PRICKLE1: variants seen among roughly 807,000 people sequenced by gnomAD.
PRICKLE1 encodes the protein prickle planar cell polarity protein 1, also known as prickle-like protein 1.
PRICKLE1 carries 14 observed loss-of-function variants against 70.2 expected under a neutral mutation model. That is an observed-to-expected ratio of 0.20 (90% CI 0.13 to 0.31). PRICKLE1 has a LOEUF of 0.31. Among genes scored for constraint, PRICKLE1 ranks in the 10% least tolerant of loss-of-function variants. PRICKLE1 has a pLI of 1.00. For synonymous variants in PRICKLE1, 357 were observed against 379.9 expected (o/e 0.94, Z 0.70); for missense variants, 821 against 1,026.2 (o/e 0.80, Z 2.73).
chr12:42,553,829 G>A (rs1940367505), intron 1 of PRICKLE1, among the ~76,000 whole-genome samples: 1 of 151,976 alleles, frequency 6.6e-6, no homozygotes, highest in Admixed American at 6.6e-5. Context: ...AATGCCGGGC[G>A]CAGGGGTTCA....
At chr12:42,568,678 A>G (rs777964997) in intron 1 of PRICKLE1, among the ~76,000 whole-genome samples, 2 of 152,246 alleles carry the variant, frequency 1.3e-5, no homozygotes, top group Non-Finnish European at 2.9e-5. Context: ...CAGAAGAAAT[A>G]TATCTTTTAA....
chr12:42,533,352 C>G (rs180781832), intron 1 of PRICKLE1, among the ~76,000 whole-genome samples: 1 of 152,030 alleles, frequency 6.6e-6, no homozygotes, highest in Non-Finnish European at 1.5e-5. Context: ...ACTCCAAGAA[C>G]CTTATCCCTG....
intron 1 of PRICKLE1, among the ~76,000 whole-genome samples, chr12:42,539,390 C>T (rs571101531): frequency 8.6e-5 from 13 of 151,824 alleles, no homozygotes; most frequent in Non-Finnish European, 1.5e-4. Context: ...ATGGCATGAA[C>T]CTGGGAGGCA....
intron 1 of PRICKLE1, among the ~76,000 whole-genome samples, chr12:42,508,566 A>G (rs947933617): frequency 2.6e-5 from 4 of 152,230 alleles, no homozygotes; most frequent in Admixed American, 6.5e-5. Context: ...TTGATAAGGA[A>G]CTGCTTCATA....
chr12:42,575,094 ATGT>A (rs1417830742), intron 1 of PRICKLE1, among the ~76,000 whole-genome samples: 1 of 152,044 alleles, frequency 6.6e-6, no homozygotes. Context: ...TCATTACATA[ATGT>A]TGTCTAAACA....
At chr12:42,499,840 G>A (rs1310013255) in intron 1 of PRICKLE1, among the ~76,000 whole-genome samples, 2 of 152,078 alleles carry the variant, frequency 1.3e-5, no homozygotes, top group Admixed American at 6.6e-5. Flanking sequence ...CGATTCTCCT[G>A]CCTCAGTCTC....
chr12:42,526,304 G>A (rs1939797632), intron 1 of PRICKLE1, among the ~76,000 whole-genome samples: 1 of 151,948 alleles, frequency 6.6e-6, no homozygotes, highest in Non-Finnish European at 1.5e-5. Context: ...AGGGACAACT[G>A]TATGCTTGTA....
At chr12:42,547,491 G>A (rs562969149) in intron 1 of PRICKLE1, among the ~76,000 whole-genome samples, 1 of 152,176 alleles carries the variant, frequency 6.6e-6, no homozygotes, top group African/African-American at 2.4e-5. Flanking sequence ...GCAGGGTCCT[G>A]TCCCAGCTTT....
chr12:42,586,872 T>C (rs1940994462), intron 1 of PRICKLE1, among the ~76,000 whole-genome samples: 1 of 152,234 alleles, frequency 6.6e-6, no homozygotes, highest in Non-Finnish European at 1.5e-5. Context: ...AACTGCAAAA[T>C]TTAACTTTTT....
At chr12:42,568,982 G>A (rs1484770493) in intron 1 of PRICKLE1, among the ~76,000 whole-genome samples, 1 of 152,128 alleles carries the variant, frequency 6.6e-6, no homozygotes, top group African/African-American at 2.4e-5. Flanking sequence ...ACACAGTGAA[G>A]GCATACTATT....
At chr12:42,485,245 T>TG (rs1938960068) in intron 1 of PRICKLE1, 1 of 19,340 alleles carries the variant, frequency 5.2e-5, no homozygotes, top group Non-Finnish European at 1.0e-4. Flanking sequence ...AGAAGTTTTT[T>TG]TTTTTTTTTT....
intron 1 of PRICKLE1, among the ~76,000 whole-genome samples, chr12:42,485,033 T>G (rs948306876): frequency 3.3e-5 from 5 of 152,172 alleles, no homozygotes; most frequent in African/African-American, 1.2e-4. Flanking sequence ...ATCTTTTTTT[T>G]TTTAAGCTAA....
At chr12:42,490,370 G>A (rs1939077080) in intron 1 of PRICKLE1, among the ~76,000 whole-genome samples, 1 of 152,224 alleles carries the variant, frequency 6.6e-6, no homozygotes, top group East Asian at 1.9e-4. Context: ...ACACAGGAGG[G>A]AGAGGCTGGA....
At chr12:42,584,296 A>G (rs913305650) in intron 1 of PRICKLE1, 4 of 152,226 alleles carry the variant, frequency 2.6e-5, no homozygotes, top group Non-Finnish European at 5.9e-5. Context: ...ACCTAAAAAG[A>G]TAACTATATT....
chr12:42,493,584 A>AC (rs758341995), intron 1 of PRICKLE1, among the ~76,000 whole-genome samples: 3 of 152,218 alleles, frequency 2.0e-5, no homozygotes, highest in Non-Finnish European at 4.4e-5. Context: ...TGTTTATGAG[A>AC]CCACTAATAC....
rs1940800102 is a variant in PRICKLE1, at chr12:42,575,984, G to C, written c.-49+13481C>G. 3.3e-5 allele frequency among the ~76,000 whole-genome samples: 5 copies of C among 152,132 alleles called. No individual in the cohort carries two copies. In the South Asian group the frequency reaches 8.3e-4, roughly 25 times the overall value. ...ATTCCTGCCTTTACAACAACATATT[G>C]CCAGTAAGTGCTTACATGCCTTCCT... On this transcript the variant is annotated intron_variant, in intron 1 of 7. Coordinates refer to ENST00000345127, the MANE Select transcript of PRICKLE1 (RefSeq NM_153026.3).
At chr12:42,514,887 CTCTA>C (rs150030888) in intron 1 of PRICKLE1, among the ~76,000 whole-genome samples, 21,883 of 139,526 alleles carry the variant, frequency 0.16, 1,667 homozygotes, top group African/African-American at 0.19. Flanking sequence ...TTAAGGCTCG[CTCTA>C]TCTATCTATC....
chr12:42,541,892 T>C (rs879771874), intron 1 of PRICKLE1, among the ~76,000 whole-genome samples: 25 of 152,182 alleles, frequency 1.6e-4, no homozygotes, highest in Non-Finnish European at 2.5e-4. Flanking sequence ...AGGGGATCCA[T>C]GCTCCCCTCT....
chr12:42,547,981 C>T (rs959740628), intron 1 of PRICKLE1, among the ~76,000 whole-genome samples: 10 of 152,140 alleles, frequency 6.6e-5, no homozygotes, highest in Admixed American at 6.5e-4. Flanking sequence ...TACACATAGC[C>T]TGAAAGTAAT....
Sources: gnomAD v4.1 joint callset for allele counts (sites outside exome capture counted in the v4.1 genomes callset) on GRCh38, gnomAD v4.1.1 for gene constraint, MANE v1.5 for transcripts, NCBI Gene and HGNC (gene_info 2026-07-23, HGNC 2026-07-21) for gene names.